RBFOX1: variants seen among roughly 807,000 people sequenced by gnomAD.
RBFOX1 encodes RNA binding protein fox-1 homolog 1.
In RBFOX1, 8 loss-of-function variants were observed where a neutral mutation model predicts 57.7. The observed-to-expected ratio is 0.14, with a 90% CI of 0.08 to 0.25. RBFOX1 has a LOEUF of 0.25. Among genes scored for constraint, RBFOX1 ranks in the 10% least tolerant of loss-of-function variants. The pLI is 1.00. For synonymous variants in RBFOX1, 326 were observed against 222.4 expected (o/e 1.47, Z -4.15); for missense variants, 611 against 548.5 (o/e 1.11, Z -1.14).
intron 4 of RBFOX1, among the ~76,000 whole-genome samples, chr16:7,116,565 C>A (rs560660891): frequency 6.6e-6 from 1 of 152,096 alleles, no homozygotes; most frequent in Admixed American, 6.5e-5. Flanking sequence ...TAAATGAGTC[C>A]ATTAAAGCTT....
chr16:6,554,763 C>G (rs551351517), intron 2 of RBFOX1, among the ~76,000 whole-genome samples: 1 of 148,886 alleles, frequency 6.7e-6, no homozygotes, highest in Admixed American at 6.7e-5. Context: ...CACACAGACA[C>G]ACACACAAAG....
intron 2 of RBFOX1, among the ~76,000 whole-genome samples, chr16:6,376,912 G>C (rs1239387752): frequency 6.6e-6 from 1 of 151,916 alleles, no homozygotes; most frequent in Non-Finnish European, 1.5e-5. Flanking sequence ...CCAATCTCTG[G>C]CTTGGGTATC....
chr16:5,381,620 C>G (rs1450231670), intron 1 of RBFOX1, among the ~76,000 whole-genome samples: 1 of 152,226 alleles, frequency 6.6e-6, no homozygotes, highest in Non-Finnish European at 1.5e-5. Flanking sequence ...GCTGTGCTAA[C>G]TCCCCCATAG....
In RBFOX1 at chr16:6,944,928, A is replaced by G. The variant is rs556334333; in HGVS notation, c.-15-107129A>G. 2.6e-5 allele frequency among the ~76,000 whole-genome samples: 4 copies of G among 152,236 alleles called. No individual in the cohort carries two copies. In the South Asian group the frequency reaches 6.2e-4, roughly 24 times the overall value. On this transcript the variant is annotated intron_variant, in intron 3 of 15. Transcript: ENST00000550418. Reference sequence around the variant, plus strand: ...GCTCTTAGCTATTCTGTCTGTAAGGATGAAGACAGTCTGAAAAGTGGCTGA... The same window carrying G: ...GCTCTTAGCTATTCTGTCTGTAAGGGTGAAGACAGTCTGAAAAGTGGCTGA...
chr16:5,520,020 T>C (rs1417381597), intron 2 of RBFOX1, among the ~76,000 whole-genome samples: 12 of 152,166 alleles, frequency 7.9e-5, no homozygotes, highest in Admixed American at 7.2e-4. Flanking sequence ...AGGAGTAAAC[T>C]GATAAACGTA....
intron 4 of RBFOX1, among the ~76,000 whole-genome samples, chr16:7,088,331 T>A (rs1337536388): frequency 5.3e-5 from 8 of 152,296 alleles, no homozygotes; most frequent in African/African-American, 1.7e-4. Context: ...TTGTTTTGTT[T>A]TTGTTTCTGT....
rs147671167 is a variant in RBFOX1 at position 5,776,023 on chromosome 16, C to G, written c.319-91280C>G. On this transcript the variant is annotated intron_variant, in intron 3 of 19. Coordinates refer to the RBFOX1 transcript ENST00000641259. ...CCAGGCTGCAGGGCAAAGAGCTCTT[C>G]AAGAGCCCAATGAATCTTAATAAAA... 1.9e-4 allele frequency among the ~76,000 whole-genome samples: 29 copies of G among 150,906 alleles called. 1 individual carries two copies. The East Asian group carries it at 5.4e-3, about 28-fold the overall frequency.
intron 4 of RBFOX1, among the ~76,000 whole-genome samples, chr16:5,938,940 G>A (rs1470398976): frequency 6.6e-6 from 1 of 152,174 alleles, no homozygotes; most frequent in African/African-American, 2.4e-5. Context: ...TATGTCCTTT[G>A]TAGGGACATG....
intron 4 of RBFOX1, among the ~76,000 whole-genome samples, chr16:7,517,902 C>G (rs892742924): frequency 6.6e-6 from 1 of 151,480 alleles, no homozygotes; most frequent in African/African-American, 2.4e-5. Flanking sequence ...TTGGAAAAAG[C>G]GACTTTATCT....
At chr16:6,713,463 G>A (rs1159982168) in intron 3 of RBFOX1, among the ~76,000 whole-genome samples, 3 of 152,046 alleles carry the variant, frequency 2.0e-5, no homozygotes, top group African/African-American at 7.2e-5. Context: ...ATGCTGTGCT[G>A]TAGGGGTCTG....
intron 4 of RBFOX1, among the ~76,000 whole-genome samples, chr16:7,248,765 G>T (rs1199792541): frequency 1.3e-5 from 2 of 152,172 alleles, no homozygotes. Context: ...TGATTTTTCT[G>T]TATGTCTAGG....
chr16:7,005,160 A>T (rs1362114157), intron 3 of RBFOX1, among the ~76,000 whole-genome samples: 1 of 151,502 alleles, frequency 6.6e-6, no homozygotes, highest in Non-Finnish European at 1.5e-5. Context: ...CAAAAAACGA[A>T]AAAAAACCCA....
chr16:6,363,646 T>C (rs527255718), intron 2 of RBFOX1, among the ~76,000 whole-genome samples: 1 of 152,320 alleles, frequency 6.6e-6, no homozygotes, highest in South Asian at 2.1e-4. Flanking sequence ...GGAGACTAAA[T>C]ACCATTTTTT....
At chr16:5,511,261 G>A (rs181332649) in intron 2 of RBFOX1, among the ~76,000 whole-genome samples, 5 of 152,346 alleles carry the variant, frequency 3.3e-5, no homozygotes, top group East Asian at 1.9e-4. Context: ...GATGCTTGAC[G>A]TGACTTCAGA....
At chr16:6,036,925 C>G (rs1381962546) in intron 1 of RBFOX1, among the ~76,000 whole-genome samples, 1 of 152,122 alleles carries the variant, frequency 6.6e-6, no homozygotes, top group Non-Finnish European at 1.5e-5. Flanking sequence ...TACCATGACC[C>G]TAGTAGGCAA....
At chr16:5,503,985 T>C (rs6500692) in intron 2 of RBFOX1, among the ~76,000 whole-genome samples, 48,613 of 152,044 alleles carry the variant, frequency 0.32, 13,358 homozygotes, top group African/African-American at 0.75. Context: ...GCCCCTCTTC[T>C]CATCATGGTG....
At chr16:6,514,626 A>T (rs2096333849) in intron 2 of RBFOX1, among the ~76,000 whole-genome samples, 1 of 152,200 alleles carries the variant, frequency 6.6e-6, no homozygotes, top group Non-Finnish European at 1.5e-5. Context: ...TACCCCTCAC[A>T]TGCCCTTTGT....
rs962181051 is a variant in RBFOX1, at chr16:7,098,539, A to T, written c.27+46441A>T. On this transcript the variant is annotated intron_variant, in intron 4 of 15. Transcript: ENST00000550418. ...AAGATAGCATACTTTACTTTATTGAAATGTAACACACACACATCAGCACCC... is the reference window on the plus strand; with the variant it reads ...AAGATAGCATACTTTACTTTATTGATATGTAACACACACACATCAGCACCC... Among the ~76,000 whole-genome samples, 8 of 152,346 alleles carry T rather than the reference A, an allele frequency of 5.3e-5. No homozygotes were observed. The South Asian group carries it at 1.7e-3, about 32-fold the overall frequency.
At chr16:6,562,848 C>CT (rs1227493385) in intron 2 of RBFOX1, among the ~76,000 whole-genome samples, 1 of 40,584 alleles carries the variant, frequency 2.5e-5, no homozygotes, top group Non-Finnish European at 4.1e-5. Flanking sequence ...TTCTTTCTTT[C>CT]TTTCTTTCTT....
Sources: allele counts gnomAD v4.1 joint callset (sites outside exome capture counted in the v4.1 genomes callset), GRCh38; gene constraint gnomAD v4.1.1; transcripts MANE v1.5; gene names NCBI Gene and HGNC (gene_info 2026-07-23, HGNC 2026-07-21).